LYPD6: variants seen among roughly 807,000 people sequenced by gnomAD.
LYPD6 encodes ly6/PLAUR domain-containing protein 6.
LYPD6 carries 15 observed loss-of-function variants against 22.7 expected under a neutral mutation model. The ratio of observed to expected loss-of-function variants is 0.66; its 90% CI spans 0.44 to 1.02. The LOEUF is 1.02. Among genes scored for constraint, LYPD6 ranks in the 50% least tolerant of loss-of-function variants. LYPD6 has a pLI of 0.00. For synonymous variants in LYPD6, 72 were observed against 77.5 expected, an observed-to-expected ratio of 0.93 and a Z score of 0.37; for missense variants, 189 against 208.4, an observed-to-expected ratio of 0.91 and a Z score of 0.57.
chr2:149,450,735 T>C (rs1683787783), intron 3 of LYPD6, among the ~76,000 whole-genome samples: 1 of 152,246 alleles, frequency 6.6e-6, no homozygotes, highest in Non-Finnish European at 1.5e-5. Context: ...CTTCTCAGAC[T>C]TGGCTGTCTA....
At chr2:149,380,816 G>A (rs1277768964) in intron 1 of LYPD6, among the ~76,000 whole-genome samples, 1 of 152,156 alleles carries the variant, frequency 6.6e-6, no homozygotes, top group Non-Finnish European at 1.5e-5. Flanking sequence ...GTTATTGAAT[G>A]AAGGGTTTAA....
At chr2:149,466,076 C>T (rs1422104004) in intron 3 of LYPD6, among the ~76,000 whole-genome samples, 1 of 152,124 alleles carries the variant, frequency 6.6e-6, no homozygotes, top group African/African-American at 2.4e-5. Context: ...GAACAATGCT[C>T]TGTGGCTGAA....
chr2:149,359,542 C>G (rs1171937595), intron 1 of LYPD6, among the ~76,000 whole-genome samples: 9 of 152,152 alleles, frequency 5.9e-5, no homozygotes, highest in Non-Finnish European at 1.2e-4. Flanking sequence ...TCCCAGCCTT[C>G]TGCTTCACAG....
chr2:149,415,070 G>GT (rs1355480392), intron 1 of LYPD6, among the ~76,000 whole-genome samples: 1 of 152,226 alleles, frequency 6.6e-6, no homozygotes, highest in African/African-American at 2.4e-5. Context: ...AGAGCTGGTA[G>GT]TGGGTGTTCC....
At chr2:149,373,113 C>G (rs1391249772) in intron 1 of LYPD6, among the ~76,000 whole-genome samples, 2 of 152,048 alleles carry the variant, frequency 1.3e-5, no homozygotes, top group Non-Finnish European at 2.9e-5. Context: ...AGAGAGCAGG[C>G]CCTTGATTAG....
At chr2:149,342,518 T>G (rs2105050346) in intron 1 of LYPD6, among the ~76,000 whole-genome samples, 1 of 152,320 alleles carries the variant, frequency 6.6e-6, no homozygotes, top group Non-Finnish European at 1.5e-5. Context: ...CTTCCTAGAG[T>G]AAACCAGAGG....
rs1681393840 is a variant in LYPD6, at chr2:149,473,604, T to C, written c.*2754T>C. ...AAATATTGTACAGTTTGTAAATCAA[T>C]GAATAAAGGTTTTGAGTGTATCTTA... On this transcript the variant is annotated 3_prime_UTR_variant, in exon 5 of 5. Transcript: ENST00000334166. 1.3e-5 allele frequency: 2 copies of C among 152,232 alleles called. No individual in the cohort carries two copies. The highest frequency in any genetic ancestry group is 4.8e-5 in the African/African-American group (2 of 41,452). 9.4% of individuals were successfully genotyped at this position (152,232 alleles called of 1,614,324 possible). A position where few individuals can be genotyped will look rare whatever the true frequency, so the allele number is the denominator to read the frequency against.
At chr2:149,432,687 C>T (rs1683342982) in intron 1 of LYPD6, among the ~76,000 whole-genome samples, 1 of 152,180 alleles carries the variant, frequency 6.6e-6, no homozygotes, top group African/African-American at 2.4e-5. Context: ...ACGTTGCCTC[C>T]TGTTTTCTAG....
chr2:149,426,604 G>A (rs1683193253), intron 1 of LYPD6, among the ~76,000 whole-genome samples: 1 of 152,172 alleles, frequency 6.6e-6, no homozygotes, highest in Non-Finnish European at 1.5e-5. Context: ...AGAATCCATG[G>A]GACTTGGAAG....
chr2:149,331,262 C>T (rs1680933210), intron 1 of LYPD6, among the ~76,000 whole-genome samples: 1 of 152,212 alleles, frequency 6.6e-6, no homozygotes, highest in Admixed American at 6.5e-5. Context: ...AGCCATCCAC[C>T]CCGACAACCC....
At chr2:149,477,406 T>G (rs1681461860), downstream of LYPD6, among the ~76,000 whole-genome samples, 1 of 151,948 alleles carries the variant, frequency 6.6e-6, no homozygotes. Flanking sequence ...GCAGATCACC[T>G]GAGGTCAGGA....
chr2:149,350,996 C>A (rs1381739050), intron 1 of LYPD6, among the ~76,000 whole-genome samples: 3 of 152,154 alleles, frequency 2.0e-5, no homozygotes, highest in Non-Finnish European at 4.4e-5. Flanking sequence ...TCCCTCTTGT[C>A]CTTCCCAGAA....
At chr2:149,475,785 T>C (rs529994819), downstream of LYPD6, among the ~76,000 whole-genome samples, 1 of 152,348 alleles carries the variant, frequency 6.6e-6, no homozygotes, top group South Asian at 2.1e-4. Context: ...AGCAGTTTTA[T>C]ATACCTTGCT....
chr2:149,477,347 G>T (rs189615187), downstream of LYPD6, among the ~76,000 whole-genome samples: 2 of 152,058 alleles, frequency 1.3e-5, no homozygotes, highest in Non-Finnish European at 2.9e-5. Context: ...GGTCAGCCGG[G>T]CGTGGTGGCT....
intron 1 of LYPD6, among the ~76,000 whole-genome samples, chr2:149,351,878 G>A (rs1681365033): frequency 6.6e-6 from 1 of 151,998 alleles, no homozygotes; most frequent in East Asian, 1.9e-4. Flanking sequence ...GGTGGTGCAG[G>A]ATAAAGGAGG....
chr2:149,443,013 A>G (rs1276523700), intron 2 of LYPD6, among the ~76,000 whole-genome samples: 2 of 152,208 alleles, frequency 1.3e-5, no homozygotes, highest in African/African-American at 4.8e-5. Context: ...CTCAGAGGTA[A>G]AAGAATTTAA....
intron 1 of LYPD6, among the ~76,000 whole-genome samples, chr2:149,404,851 T>A (rs1412776674): frequency 6.6e-6 from 1 of 152,228 alleles, no homozygotes; most frequent in Non-Finnish European, 1.5e-5. Flanking sequence ...GCCCATTCAG[T>A]ATGATATTGG....
chr2:149,418,498 C>G (rs972270722), intron 1 of LYPD6, among the ~76,000 whole-genome samples: 1 of 152,156 alleles, frequency 6.6e-6, no homozygotes, highest in Non-Finnish European at 1.5e-5. Flanking sequence ...ACATTTTGAT[C>G]TGTATTGATA....
chr2:149,426,087 A>G (rs1262898676), intron 1 of LYPD6, among the ~76,000 whole-genome samples: 1 of 152,230 alleles, frequency 6.6e-6, no homozygotes, highest in Admixed American at 6.5e-5. Flanking sequence ...AGGGTTAGCC[A>G]TAGGGTTTTT....
Sources: allele counts gnomAD v4.1 joint callset (sites outside exome capture counted in the v4.1 genomes callset), GRCh38; gene constraint gnomAD v4.1.1; transcripts MANE v1.5; gene names NCBI Gene and HGNC (gene_info 2026-07-23, HGNC 2026-07-21).